The following PALM2AKAP2 variants were observed in gnomAD, a reference collection of about 807,000 sequenced individuals.
The protein encoded by PALM2AKAP2 is PALM2-AKAP2 fusion protein.
PALM2AKAP2 carries 37 observed loss-of-function variants against 71.5 expected under a neutral mutation model. The observed-to-expected ratio is 0.52, with a 90% CI of 0.40 to 0.68. The LOEUF (loss-of-function observed/expected upper bound fraction) is 0.68, where lower values mean the gene tolerates loss of function less well. PALM2AKAP2 is among the 30% of genes least tolerant of loss of function. The pLI is 0.00. For synonymous variants in PALM2AKAP2, 468 were observed against 478.8 expected, an observed-to-expected ratio of 0.98 and a Z score of 0.29; for missense variants, 1,224 against 1,191.8, an observed-to-expected ratio of 1.03 and a Z score of -0.40.
At chr9:109,984,478 C>T (rs1053040995) in intron 6 of PALM2AKAP2, among the ~76,000 whole-genome samples, 3 of 149,588 alleles carry the variant, frequency 2.0e-5, no homozygotes, top group African/African-American at 7.4e-5. Flanking sequence ...AGTAACAAAG[C>T]GAGACTAGAT....
chr9:109,838,701 A>G (rs1410240070), intron 1 of PALM2AKAP2, among the ~76,000 whole-genome samples: 1 of 152,224 alleles, frequency 6.6e-6, no homozygotes, highest in East Asian at 1.9e-4. Flanking sequence ...GGATGTCACC[A>G]CCAATCCCAC....
intron 1 of PALM2AKAP2, among the ~76,000 whole-genome samples, chr9:109,736,284 A>G (rs1828634439): frequency 6.6e-6 from 1 of 151,562 alleles, no homozygotes; most frequent in Admixed American, 6.6e-5. Context: ...ACACACTATA[A>G]AAGTTTTCTG....
chr9:109,800,815 A>C (rs1281621126), intron 1 of PALM2AKAP2, among the ~76,000 whole-genome samples: 3 of 152,240 alleles, frequency 2.0e-5, no homozygotes, highest in Non-Finnish European at 4.4e-5. Flanking sequence ...TATTCAATAC[A>C]ATTTCCTTTT....
At chr9:109,719,348 C>G (rs900073316) in intron 1 of PALM2AKAP2, among the ~76,000 whole-genome samples, 5 of 152,128 alleles carry the variant, frequency 3.3e-5, no homozygotes, top group African/African-American at 1.2e-4. Flanking sequence ...GTTTCTCAGG[C>G]TAATTCTGCT....
chr9:110,122,268 T>C (rs1025035049), intron 1 of PALM2AKAP2, among the ~76,000 whole-genome samples: 2 of 152,180 alleles, frequency 1.3e-5, no homozygotes, highest in Non-Finnish European at 2.9e-5. Context: ...ACCCAAGTGA[T>C]CGATTCTCCC....
At chr9:109,903,549 G>A (rs1830376511) in intron 3 of PALM2AKAP2, among the ~76,000 whole-genome samples, 1 of 152,196 alleles carries the variant, frequency 6.6e-6, no homozygotes, top group African/African-American at 2.4e-5. Flanking sequence ...TTAAGGGCAA[G>A]TGCACTGTTC....
chr9:110,134,269 A>G (rs1835798156), intron 1 of PALM2AKAP2, among the ~76,000 whole-genome samples: 1 of 152,024 alleles, frequency 6.6e-6, no homozygotes, highest in Admixed American at 6.6e-5. Flanking sequence ...ACAGAGCAAG[A>G]GCCTGTCTCT....
intron 1 of PALM2AKAP2, among the ~76,000 whole-genome samples, chr9:109,828,786 C>T (rs1177865417): frequency 2.0e-5 from 3 of 152,166 alleles, no homozygotes; most frequent in African/African-American, 7.2e-5. Flanking sequence ...GTTTTCTGAT[C>T]CCGTGGAAAG....
At chr9:109,983,543 G>A (rs1832317063) in intron 6 of PALM2AKAP2, among the ~76,000 whole-genome samples, 1 of 152,098 alleles carries the variant, frequency 6.6e-6, no homozygotes. Flanking sequence ...TTGCAGAAAT[G>A]GAAACTAATA....
At chr9:109,690,816 T>A (rs1018459203) in intron 1 of PALM2AKAP2, among the ~76,000 whole-genome samples, 2 of 152,164 alleles carry the variant, frequency 1.3e-5, no homozygotes, top group African/African-American at 4.8e-5. Flanking sequence ...TCCTATACCT[T>A]TAAAGATGAA....
intron 1 of PALM2AKAP2, among the ~76,000 whole-genome samples, chr9:109,820,078 A>T (rs1827956990): frequency 6.6e-6 from 1 of 152,214 alleles, no homozygotes; most frequent in Non-Finnish European, 1.5e-5. Context: ...CACATACCTT[A>T]TGTAAAGGAG....
At chr9:109,838,800 A>C (rs111881193) in intron 1 of PALM2AKAP2, among the ~76,000 whole-genome samples, 4,892 of 152,312 alleles carry the variant, frequency 0.032, 102 homozygotes, top group Non-Finnish European at 0.042. Context: ...ATTCCTAGGC[A>C]CATACACCCT....
intron 3 of PALM2AKAP2, among the ~76,000 whole-genome samples, chr9:110,158,232 A>T (rs527476333): frequency 3.3e-4 from 50 of 152,348 alleles, no homozygotes; most frequent in African/African-American, 1.2e-3. Context: ...ATTTTCTGAA[A>T]GTTAAATCAT....
chr9:109,658,803 A>G (rs900193326), intron 1 of PALM2AKAP2, among the ~76,000 whole-genome samples: 1 of 152,216 alleles, frequency 6.6e-6, no homozygotes, highest in Non-Finnish European at 1.5e-5. Context: ...GAATATAAAA[A>G]ATCAATTTCA....
intron 1 of PALM2AKAP2, among the ~76,000 whole-genome samples, chr9:110,063,685 C>T (rs919880987): frequency 6.6e-6 from 1 of 152,148 alleles, no homozygotes; most frequent in Admixed American, 6.6e-5. Flanking sequence ...CTCAAGTGAT[C>T]CACCCACGTT....
chr9:109,924,841 A>G (rs1323128276), intron 4 of PALM2AKAP2, among the ~76,000 whole-genome samples: 2 of 152,222 alleles, frequency 1.3e-5, no homozygotes, highest in Admixed American at 1.3e-4. Flanking sequence ...GATCATTGAA[A>G]TAAATCTCTA....
chr9:110,062,234 A>C (rs2118495889), intron 1 of PALM2AKAP2, among the ~76,000 whole-genome samples: 1 of 152,158 alleles, frequency 6.6e-6, no homozygotes, highest in East Asian at 1.9e-4. Context: ...AGTTATCCTG[A>C]TGCTCTCCCT....
intron 1 of PALM2AKAP2, among the ~76,000 whole-genome samples, chr9:109,763,919 G>A (rs1564138770): frequency 6.6e-6 from 1 of 152,008 alleles, no homozygotes; most frequent in South Asian, 2.1e-4. Context: ...ATTGGGTTTA[G>A]GTCCCACCTT....
At chr9:109,967,656 C>T (rs1010066551) in intron 6 of PALM2AKAP2, among the ~76,000 whole-genome samples, 1 of 152,192 alleles carries the variant, frequency 6.6e-6, no homozygotes, top group Non-Finnish European at 1.5e-5. Context: ...GTGATCTGCC[C>T]GCCTTGGCCT....
Sources: allele counts gnomAD v4.1 joint callset (sites outside exome capture counted in the v4.1 genomes callset), GRCh38; gene constraint gnomAD v4.1.1; transcripts MANE v1.5; gene names NCBI Gene and HGNC (gene_info 2026-07-23, HGNC 2026-07-21).